The following AAK1 variants were observed in gnomAD, a reference collection of about 807,000 sequenced individuals.
AAK1 encodes AP2 associated kinase 1.
Under a neutral mutation model 116.0 loss-of-function variants are expected in AAK1, and 37 were observed. That is an observed-to-expected ratio of 0.32 (90% confidence interval 0.25 to 0.42). The LOEUF is 0.42. AAK1 is among the 10% of genes least tolerant of loss of function. The pLI, the probability that AAK1 is intolerant of heterozygous loss-of-function variation, is 1.00. For missense variants in AAK1, 919 were observed against 1,170.6 expected, an observed-to-expected ratio of 0.79 and a Z score of 3.14; for synonymous variants, 458 against 439.9, an observed-to-expected ratio of 1.04 and a Z score of -0.51.
At position 69,466,682 on chromosome 2, in the gene AAK1, T is replaced by C. The variant is rs1232927295; in HGVS notation, c.*9187A>G. ...TGTTGAAAATGCAACAGGAAAAACA[T>C]AAAAATAAAAGTCAGGCAAGGAAAC... is the stretch of plus-strand genomic sequence containing the variant. On this transcript the variant is annotated 3_prime_UTR_variant, in exon 22 of 22. Coordinates refer to ENST00000409085, the MANE Select transcript of AAK1 (RefSeq NM_014911.5). 5.5e-6 allele frequency: 6 copies of C among 1,092,882 alleles called. No individual in the cohort carries two copies. The highest frequency in any genetic ancestry group is 6.7e-6 in the Non-Finnish European group (6 of 892,270). The allele number at this position is 1,092,882 out of a possible 1,614,324, so 67.7% of individuals were successfully genotyped here.
chr2:69,500,257 T>G (rs1267159715), intron 16 of AAK1: 2 of 152,198 alleles, frequency 1.3e-5, no homozygotes, highest in Non-Finnish European at 2.9e-5. Context: ...GTAATTTTCT[T>G]TCATTTGTAA....
Position 69,473,821 on chromosome 2 carries a change from T to C in AAK1, c.*2048A>G. 2.0e-6 allele frequency: 2 copies of C among 985,834 alleles called. No individual in the cohort carries two copies. Among genetic ancestry groups the C allele is most frequent in the Non-Finnish European group, 2.4e-6 (2 of 829,886 alleles). The allele number at this position is 985,834 out of a possible 1,614,324, so 61.1% of individuals were successfully genotyped here. A position where few individuals can be genotyped will look rare whatever the true frequency, so the allele number is the denominator to read the frequency against. On this transcript the variant is annotated 3_prime_UTR_variant, in exon 22 of 22. Coordinates refer to ENST00000409085, the MANE Select transcript of AAK1 (RefSeq NM_014911.5). ...TTCCTTCATTAATTTATACATTCTT[T>C]CTATGTCCAGGAAAGAGAATACAAT...
At position 69,466,583 on chromosome 2, in the gene AAK1, T is replaced by G; in HGVS notation, c.*9286A>C. On this transcript the variant is annotated 3_prime_UTR_variant, in exon 22 of 22. Transcript: ENST00000409085. ...AAGCATAAAATGCAGAATTAATGTG[T>G]AGGTCAATTCAACTCTATTTGGAAC... 2 of 1,164,800 alleles carry G rather than the reference T, an allele frequency of 1.7e-6. No individual in the cohort carries two copies. Among genetic ancestry groups the G allele is most frequent in the Non-Finnish European group, 2.2e-6 (2 of 927,682 alleles). The allele number at this position is 1,164,800 out of a possible 1,614,324, so 72.2% of individuals were successfully genotyped here. A position where few individuals can be genotyped will look rare whatever the true frequency, so the allele number is the denominator to read the frequency against.
intron 2 of AAK1, among the ~76,000 whole-genome samples, chr2:69,569,600 T>C (rs1318886683): frequency 6.6e-6 from 1 of 152,100 alleles, no homozygotes; most frequent in Non-Finnish European, 1.5e-5. Flanking sequence ...AAATATAAAA[T>C]CTTTCCATCT....
chr2:69,477,528 G>A (rs1178336991), intron 20 of AAK1, among the ~76,000 whole-genome samples: 3 of 152,120 alleles, frequency 2.0e-5, no homozygotes, highest in African/African-American at 7.2e-5. Flanking sequence ...CTCAGGGAAC[G>A]CTGAGGCACA....
At chr2:69,498,004 C>T (rs995244490) in intron 16 of AAK1, among the ~76,000 whole-genome samples, 1 of 152,106 alleles carries the variant, frequency 6.6e-6, no homozygotes, top group African/African-American at 2.4e-5. Flanking sequence ...ACCCTCTGCT[C>T]TGTTCTCCCT....
chr2:69,498,257 G>A (rs1675828795), intron 16 of AAK1, among the ~76,000 whole-genome samples: 1 of 152,164 alleles, frequency 6.6e-6, no homozygotes, highest in Non-Finnish European at 1.5e-5. Flanking sequence ...AAACAGGCTT[G>A]TGGAGGAGTC....
intron 2 of AAK1, among the ~76,000 whole-genome samples, chr2:69,572,482 G>T (rs1327275959): frequency 1.3e-5 from 2 of 151,864 alleles, no homozygotes; most frequent in East Asian, 1.9e-4. Flanking sequence ...AGCCAGGTGT[G>T]GTGGCACACA....
At chr2:69,582,159 T>C (rs1012454850) in intron 2 of AAK1, among the ~76,000 whole-genome samples, 3 of 152,206 alleles carry the variant, frequency 2.0e-5, no homozygotes, top group Middle Eastern at 3.2e-3. Flanking sequence ...TAAATGCTGA[T>C]AGAGTCTGAT....
At chr2:69,591,615 G>A (rs1572987095) in intron 2 of AAK1, among the ~76,000 whole-genome samples, 1 of 147,468 alleles carries the variant, frequency 6.8e-6, no homozygotes, top group East Asian at 2.0e-4. Context: ...CTGCCTCCCA[G>A]GCTGGAGTGC....
intron 8 of AAK1, among the ~76,000 whole-genome samples, chr2:69,527,931 A>G (rs1338900506): frequency 6.6e-6 from 1 of 152,226 alleles, no homozygotes; most frequent in African/African-American, 2.4e-5. Context: ...AAACATACAC[A>G]TACACATGCA....
intron 2 of AAK1, among the ~76,000 whole-genome samples, chr2:69,640,051 A>ACT (rs34183429): frequency 0.12 from 11,833 of 98,332 alleles, 458 homozygotes; most frequent in Non-Finnish European, 0.15. Context: ...ACACACACAC[A>ACT]CACTCTCTCT....
Position 69,473,165 on chromosome 2 carries a change from A to T in AAK1, c.*2704T>A. 3.8e-6 allele frequency: 3 copies of T among 779,750 alleles called. No homozygotes were observed. The East Asian group carries it at 3.8e-4, about 100-fold the overall frequency. The allele number at this position is 779,750 out of a possible 1,614,324, so 48.3% of individuals were successfully genotyped here. ...AGTGCCTGCTGAAGGTCACTCAGCC[A>T]GTGGCTGGCAAGGGCCAGGATGAGA... is the stretch of plus-strand genomic sequence containing the variant. On this transcript the variant is annotated 3_prime_UTR_variant, in exon 22 of 22. Transcript: ENST00000409085.
intron 5 of AAK1, among the ~76,000 whole-genome samples, chr2:69,542,065 CAATTCCATTCA>C (rs1670746246): frequency 6.6e-6 from 1 of 152,082 alleles, no homozygotes; most frequent in Non-Finnish European, 1.5e-5. Flanking sequence ...AACAAGGTGC[CAATTCCATTCA>C]ACAAACACTG....
intron 2 of AAK1, among the ~76,000 whole-genome samples, chr2:69,591,050 G>C (rs563307794): frequency 6.6e-6 from 1 of 152,292 alleles, no homozygotes; most frequent in African/African-American, 2.4e-5. Context: ...GATTGGAAAA[G>C]GCAAATCCAT....
At position 69,465,635 on chromosome 2, in the gene AAK1, T is replaced by TC; in HGVS notation, c.*10233_*10234insG. 2 of 1,290,932 alleles carry TC rather than the reference T, an allele frequency of 1.5e-6. No homozygotes were observed. Among genetic ancestry groups the TC allele is most frequent in the Non-Finnish European group, 2.0e-6 (2 of 988,876 alleles). 80.0% of individuals were successfully genotyped at this position (1,290,932 alleles called of 1,614,324 possible). ...GGCTATAGTGACGGGAATACTTGGATAAGGACTGGGGGCGGAATGGTTTGC... is the reference window on the plus strand; with the variant it reads ...GGCTATAGTGACGGGAATACTTGGATCAAGGACTGGGGGCGGAATGGTTTGC... On this transcript the variant is annotated 3_prime_UTR_variant, in exon 22 of 22. Coordinates refer to ENST00000409085, the MANE Select transcript of AAK1 (RefSeq NM_014911.5).
Position 69,473,906 on chromosome 2 carries a change from T to C in AAK1, c.*1963A>G. 2.0e-6 allele frequency: 2 copies of C among 985,894 alleles called. No individual in the cohort carries two copies. The highest frequency in any genetic ancestry group is 2.4e-6 in the Non-Finnish European group (2 of 829,948). The allele number at this position is 985,894 out of a possible 1,614,324, so 61.1% of individuals were successfully genotyped here. ...GTAAACCAAGTCCTATTTTCACTGC[T>C]ATCCAACCACAGAGAGCCCTTCGTG... is the stretch of plus-strand genomic sequence containing the variant. On this transcript the variant is annotated 3_prime_UTR_variant, in exon 22 of 22. Coordinates refer to ENST00000409085, the MANE Select transcript of AAK1 (RefSeq NM_014911.5).
At chr2:69,642,401 A>C (rs928930071) in intron 2 of AAK1, among the ~76,000 whole-genome samples, 3 of 151,956 alleles carry the variant, frequency 2.0e-5, no homozygotes, top group Non-Finnish European at 4.4e-5. Flanking sequence ...AAACACGTTC[A>C]CGTTCTCCGA....
intron 2 of AAK1, among the ~76,000 whole-genome samples, chr2:69,609,348 G>A (rs1673956995): frequency 6.6e-6 from 1 of 151,900 alleles, no homozygotes; most frequent in South Asian, 2.1e-4. Flanking sequence ...GGGTGACAGA[G>A]TGAGACCCTA....
Sources: gnomAD v4.1 joint callset for allele counts (sites outside exome capture counted in the v4.1 genomes callset) on GRCh38, gnomAD v4.1.1 for gene constraint, MANE v1.5 for transcripts, NCBI Gene and HGNC (gene_info 2026-07-23, HGNC 2026-07-21) for gene names.